The following ZPLD1 variants were observed in gnomAD, a reference collection of about 807,000 sequenced individuals.
ZPLD1 encodes the protein zona pellucida like domain containing 1.
Under a neutral mutation model 47.2 loss-of-function variants are expected in ZPLD1, and 34 were observed. The observed-to-expected ratio is 0.72, with a 90% CI of 0.55 to 0.96. The LOEUF (loss-of-function observed/expected upper bound fraction) is 0.96, where lower values mean the gene tolerates loss of function less well. ZPLD1 is among the 40% of genes least tolerant of loss of function. The pLI, the probability that ZPLD1 is intolerant of heterozygous loss-of-function variation, is 0.00. For missense variants in ZPLD1, 512 were observed against 505.8 expected (o/e 1.01, Z -0.12); for synonymous variants, 176 against 186.2 (o/e 0.95, Z 0.45).
At chr3:102,395,345 T>A (rs1706545141) in intron 7 of ZPLD1, among the ~76,000 whole-genome samples, 1 of 152,102 alleles carries the variant, frequency 6.6e-6, no homozygotes, top group Admixed American at 6.6e-5. Context: ...CATAGGGAGA[T>A]GATTTTGGAA....
At chr3:102,477,231 ATTT>A (rs1576171966) in intron 11 of ZPLD1, among the ~76,000 whole-genome samples, 190 bp downstream of exon 11, 1 of 151,890 alleles carries the variant, frequency 6.6e-6, no homozygotes, top group Non-Finnish European at 1.5e-5. Flanking sequence ...GCTTTTTGGT[ATTT>A]TTGATTTTGG....
At position 102,441,381 on chromosome 3, in the gene ZPLD1, T is replaced by C. The variant is rs144368243; in HGVS notation, c.106+2788T>C. Among the ~76,000 whole-genome samples the C allele has an allele frequency of 1.3e-4, 20 of 152,248 alleles. 1 individual carries two copies. In the East Asian group the frequency reaches 3.3e-3, roughly 25 times the overall value. ...TTGTTAAAAGTGGGGACTCAACTTG[T>C]TTCACCTCAAATAAGTGATGTTAGA... On this transcript the variant is annotated intron_variant, in intron 3 of 11. Coordinates refer to ENST00000466937, the MANE Select transcript of ZPLD1 (RefSeq NM_001329788.2).
chr3:102,476,256 A>G (rs1265692912), intron 10 of ZPLD1, among the ~76,000 whole-genome samples: 3 of 152,158 alleles, frequency 2.0e-5, no homozygotes, highest in African/African-American at 4.8e-5. Context: ...TAAAACACAA[A>G]TATGAAATTA....
In ZPLD1 at chr3:102,406,564, G is replaced by A. The variant is rs1166197572; in HGVS notation, c.-156-11496G>A. Among the ~76,000 whole-genome samples, 4 of 151,900 alleles carry A rather than the reference G, an allele frequency of 2.6e-5. No individual in the cohort carries two copies. In the East Asian group the frequency reaches 5.8e-4, roughly 22 times the overall value. On this transcript the variant is annotated intron_variant, in intron 7 of 17. Transcript: ENST00000491959. Reference sequence around the variant, plus strand: ...TTTTAGGATGGACACTTCTCTAAATGGTTGATCAAATATATCGATTATGGT... The same window carrying A: ...TTTTAGGATGGACACTTCTCTAAATAGTTGATCAAATATATCGATTATGGT...
At chr3:102,466,167 C>T (rs1030907516) in intron 8 of ZPLD1, among the ~76,000 whole-genome samples, 4 of 152,126 alleles carry the variant, frequency 2.6e-5, no homozygotes, top group Admixed American at 1.3e-4. Flanking sequence ...CTCAGGAACC[C>T]AGGGCTGATG....
intron 3 of ZPLD1, among the ~76,000 whole-genome samples, chr3:102,446,771 G>A (rs1179458499): frequency 1.3e-5 from 2 of 152,138 alleles, no homozygotes; most frequent in Non-Finnish European, 2.9e-5. Flanking sequence ...TGTTTATAAT[G>A]TTGTTTACAA....
At chr3:102,427,146 C>T (rs1706957800) in intron 8 of ZPLD1, among the ~76,000 whole-genome samples, 1 of 152,102 alleles carries the variant, frequency 6.6e-6, no homozygotes, top group Admixed American at 6.6e-5. Flanking sequence ...TTATAAATTA[C>T]CAGCAGCCTA....
At chr3:102,452,358 C>A (rs985923118) in intron 3 of ZPLD1, among the ~76,000 whole-genome samples, 2 of 149,898 alleles carry the variant, frequency 1.3e-5, no homozygotes, top group African/African-American at 4.9e-5. Flanking sequence ...TTTTTATTCC[C>A]TTTCTCTCTA....
chr3:102,445,508 C>G (rs1174209576), intron 3 of ZPLD1, among the ~76,000 whole-genome samples: 1 of 152,206 alleles, frequency 6.6e-6, no homozygotes, highest in Non-Finnish European at 1.5e-5. Flanking sequence ...AAATACAAAG[C>G]TGTGACTTAG....
intron 1 of ZPLD1, among the ~76,000 whole-genome samples, chr3:102,435,796 C>T (rs900761970): frequency 7.6e-4 from 116 of 152,232 alleles, no homozygotes; most frequent in Admixed American, 7.5e-3. Context: ...GCTCCCGCCA[C>T]CACGCCCGGC....
intron 3 of ZPLD1, among the ~76,000 whole-genome samples, chr3:102,450,591 G>A (rs768050400): frequency 6.6e-6 from 1 of 152,110 alleles, no homozygotes; most frequent in Non-Finnish European, 1.5e-5. Context: ...TCAAGATTTG[G>A]TCTTTTGGCC....
chr3:102,420,424 A>G (rs76049671), intron 8 of ZPLD1, among the ~76,000 whole-genome samples: 3,609 of 152,054 alleles, frequency 0.024, 151 homozygotes, highest in African/African-American at 0.082. Context: ...GGGCCAGATC[A>G]CAAATATCTT....
In ZPLD1 at chr3:102,441,710, G is replaced by A. The variant is rs543041336; in HGVS notation, c.106+3117G>A. On this transcript the variant is annotated intron_variant, in intron 3 of 11. Coordinates refer to ENST00000466937, the MANE Select transcript of ZPLD1 (RefSeq NM_001329788.2). The stretch of plus-strand genomic sequence containing the variant: ...GATTACAAAAACAGAAAGAAACCTC[G>A]CCCTTATATATAGCCAAGCAGAGAC... Among the ~76,000 whole-genome samples the A allele has an allele frequency of 4.6e-5, 7 of 151,976 alleles. No individual in the cohort carries two copies. The East Asian group carries it at 9.7e-4, about 21-fold the overall frequency.
At chr3:102,434,882 G>A (rs145475781), upstream of ZPLD1, 291 of 486,680 alleles carry the variant, frequency 6.0e-4, no homozygotes, top group African/African-American at 4.8e-3. Context: ...CACAGAATCA[G>A]GTTCTACATT....
intron 7 of ZPLD1, among the ~76,000 whole-genome samples, chr3:102,396,703 A>G (rs1706561618): frequency 6.6e-6 from 1 of 152,056 alleles, no homozygotes; most frequent in Non-Finnish European, 1.5e-5. Flanking sequence ...ATTCAGATGG[A>G]GTGGTGCTGG....
intron 10 of ZPLD1, among the ~76,000 whole-genome samples, chr3:102,476,738 T>A (rs76301824): frequency 6.6e-6 from 1 of 152,072 alleles, no homozygotes; most frequent in East Asian, 1.9e-4. Context: ...CACTGTATAT[T>A]TTTTTCTATT....
intron 7 of ZPLD1, among the ~76,000 whole-genome samples, chr3:102,404,383 G>A (rs555628662): frequency 3.9e-5 from 6 of 151,930 alleles, no homozygotes; most frequent in African/African-American, 1.2e-4. Flanking sequence ...TTCATTTTGA[G>A]CCTTTAAAAT....
At chr3:102,441,395 A>G (rs1461289302) in intron 3 of ZPLD1, among the ~76,000 whole-genome samples, 3 of 152,136 alleles carry the variant, frequency 2.0e-5, no homozygotes, top group African/African-American at 7.2e-5. Flanking sequence ...ACCTCAAATA[A>G]GTGATGTTAG....
intron 7 of ZPLD1, among the ~76,000 whole-genome samples, chr3:102,409,911 T>C (rs1403280087): frequency 6.6e-6 from 1 of 151,788 alleles, no homozygotes; most frequent in African/African-American, 2.4e-5. Context: ...TAGGGGATAA[T>C]GGACATTCTT....
Sources: gnomAD v4.1 joint callset for allele counts (sites outside exome capture counted in the v4.1 genomes callset) on GRCh38, gnomAD v4.1.1 for gene constraint, MANE v1.5 for transcripts, NCBI Gene and HGNC (gene_info 2026-07-23, HGNC 2026-07-21) for gene names.